The following EXT2 variants were observed in gnomAD, a reference collection of about 807,000 sequenced individuals.
The protein encoded by EXT2 is exostosin-2.
Under a neutral mutation model 81.6 loss-of-function variants are expected in EXT2, and 53 were observed. The ratio of observed to expected loss-of-function variants is 0.65; its 90% CI spans 0.52 to 0.82. EXT2 has a LOEUF of 0.82. Ranked by LOEUF, EXT2 falls within the 40% of genes least tolerant of loss-of-function variation. The pLI is 0.00. For missense variants in EXT2, 774 were observed against 910.2 expected (o/e 0.85, Z 1.93); for synonymous variants, 320 against 340.0 (o/e 0.94, Z 0.65).
chr11:44,246,701 A>G lies in EXT2; in HGVS notation c.*2414A>G, dbSNP rs1032542015. On this transcript the variant is annotated 3_prime_UTR_variant, in exon 14 of 14. Transcript: ENST00000533608. ...CACCGTAGAAATTCAAGACAGGGAT[A>G]TAGCAGGTGATGGCGATTCATGGAT... Among the ~76,000 whole-genome samples, 2 of 152,236 alleles carry G rather than the reference A, an allele frequency of 1.3e-5. No individual in the cohort carries two copies. Among genetic ancestry groups the G allele is most frequent in the Non-Finnish European group, 2.9e-5 (2 of 68,032 alleles).
intron 8 of EXT2, among the ~76,000 whole-genome samples, chr11:44,184,456 A>G (rs545136479): frequency 2.0e-5 from 3 of 152,272 alleles, no homozygotes; most frequent in African/African-American, 4.8e-5. Context: ...TTCTCTTTAT[A>G]TAATTACATT....
Position 44,244,769 on chromosome 11 carries a change from G to C in EXT2, c.*482G>C, listed in dbSNP as rs2135285318. On this transcript the variant is annotated 3_prime_UTR_variant, in exon 14 of 14. Transcript: ENST00000533608. The stretch of plus-strand genomic sequence containing the variant: ...ACCAAACCCAGAATTCGGTGCAAAA[G>C]CCAAACATCTTGGTGGGATTTGATA... The C allele has an allele frequency of 3.9e-6, 1 of 258,788 alleles. No individual in the cohort carries two copies. Among genetic ancestry groups the C allele is most frequent in the South Asian group, 1.2e-4 (1 of 8,082 alleles). 16.0% of individuals were successfully genotyped at this position (258,788 alleles called of 1,614,324 possible). A position where few individuals can be genotyped will look rare whatever the true frequency, so the allele number is the denominator to read the frequency against.
chr11:44,115,393 C>T (rs906566868), intron 4 of EXT2, among the ~76,000 whole-genome samples: 2 of 152,100 alleles, frequency 1.3e-5, no homozygotes, highest in African/African-American at 4.8e-5. Context: ...TCTGGCATTT[C>T]TTGGCTCATA....
At chr11:44,148,299 G>A (rs1202168880) in intron 7 of EXT2, among the ~76,000 whole-genome samples, 1 of 152,136 alleles carries the variant, frequency 6.6e-6, no homozygotes, top group Non-Finnish European at 1.5e-5. Flanking sequence ...ACTCAAGATG[G>A]ACACATAACA....
At chr11:44,132,141 GT>G (rs1954502448) in intron 7 of EXT2, among the ~76,000 whole-genome samples, 1 of 152,172 alleles carries the variant, frequency 6.6e-6, no homozygotes, top group South Asian at 2.1e-4. Context: ...TCTAGAAAGG[GT>G]AAGAAAAAAC....
chr11:44,234,150 G>C lies in EXT2; in HGVS notation c.1842G>C (p.Gly614=). Residue 614 remains glycine (G), a synonymous_variant, in exon 12 of 14, where the codon GGG becomes GGC. Coordinates refer to ENST00000533608, the MANE Select transcript of EXT2 (RefSeq NM_207122.2). ...ACCTGTATACCTACAAAATGCCTGG[G>C]GATATCAAGAACTGGGTAGATGCTC... ...FNYLYTYKMP[G]DIKNWVDAHM... 1.2e-6 allele frequency: 2 copies of C among 1,614,008 alleles called. No homozygotes were observed. The highest frequency in any genetic ancestry group is 8.5e-7 in the Non-Finnish European group (1 of 1,179,960).
chr11:44,143,743 G>A (rs1196172639), intron 7 of EXT2, among the ~76,000 whole-genome samples: 1 of 152,162 alleles, frequency 6.6e-6, no homozygotes, highest in Non-Finnish European at 1.5e-5. Context: ...GGACCTACAC[G>A]ATTCTCAATG....
rs146145996 is a variant in EXT2, at chr11:44,178,349, G to A, written c.1305+6607G>A. On this transcript the variant is annotated intron_variant, in intron 8 of 13. Transcript: ENST00000533608. ...TTTGATGTGGGATTTCATTCACTGT[G>A]AGTGTCCTAACTCACTCCCTGGAGA... Among the ~76,000 whole-genome samples, 12 of 152,290 alleles carry A rather than the reference G, an allele frequency of 7.9e-5. No homozygotes were observed. The East Asian group carries it at 2.1e-3, about 27-fold the overall frequency.
intron 7 of EXT2, among the ~76,000 whole-genome samples, chr11:44,166,711 A>C (rs1013029519): frequency 6.6e-6 from 1 of 152,180 alleles, no homozygotes; most frequent in Non-Finnish European, 1.5e-5. Context: ...CAATTTCCCC[A>C]TGTTAAATTT....
At position 44,251,796 on chromosome 11, in the gene EXT2, T is replaced by G. The variant is rs1956140087; in HGVS notation, c.*7509T>G. Among the ~76,000 whole-genome samples the G allele has an allele frequency of 1.3e-5, 2 of 152,334 alleles. No homozygotes were observed. Among genetic ancestry groups the G allele is most frequent in the South Asian group, 2.1e-4 (1 of 4,826 alleles). On this transcript the variant is annotated 3_prime_UTR_variant, in exon 14 of 14. Coordinates refer to ENST00000533608, the MANE Select transcript of EXT2 (RefSeq NM_207122.2). The stretch of plus-strand genomic sequence containing the variant: ...ATGGGTTCCTTCAGTCAACAAATAC[T>G]TATTGAGCAGTTATTGTGTGCCAGA...
chr11:44,226,353 C>CCATGT (rs1955838174), intron 10 of EXT2, among the ~76,000 whole-genome samples: 1 of 152,156 alleles, frequency 6.6e-6, no homozygotes, highest in Non-Finnish European at 1.5e-5. Context: ...TGCAGTTTGT[C>CCATGT]CATGTGTTTG....
chr11:44,096,978 G>A (rs949261696), intron 1 of EXT2, among the ~76,000 whole-genome samples: 3 of 152,096 alleles, frequency 2.0e-5, no homozygotes, highest in Admixed American at 6.6e-5. Flanking sequence ...CACTTTCCCC[G>A]ACTTCCTGGT....
intron 8 of EXT2, among the ~76,000 whole-genome samples, chr11:44,178,920 T>C (rs1443453116): frequency 6.6e-6 from 1 of 152,196 alleles, no homozygotes; most frequent in Non-Finnish European, 1.5e-5. Flanking sequence ...GCACAAGTGA[T>C]CCAGTATGCT....
chr11:44,142,352 A>G (rs75812238), intron 7 of EXT2, among the ~76,000 whole-genome samples: 12,853 of 152,240 alleles, frequency 0.084, 575 homozygotes, highest in Middle Eastern at 0.14. Context: ...TTATTTCTTT[A>G]TCTTCACTCA....
At chr11:44,201,052 GA>G (rs1185092025) in intron 9 of EXT2, among the ~76,000 whole-genome samples, 1 of 152,160 alleles carries the variant, frequency 6.6e-6, no homozygotes, top group East Asian at 1.9e-4. Flanking sequence ...CAACGCATTT[GA>G]AAAATCGTAT....
intron 7 of EXT2, among the ~76,000 whole-genome samples, chr11:44,163,641 A>G (rs1261086675): frequency 6.6e-6 from 1 of 152,244 alleles, no homozygotes; most frequent in African/African-American, 2.4e-5. Context: ...TAAATCCGTG[A>G]TGCATGGAAA....
At chr11:44,196,604 C>T (rs1955458740) in intron 8 of EXT2, among the ~76,000 whole-genome samples, 1 of 152,164 alleles carries the variant, frequency 6.6e-6, no homozygotes, top group South Asian at 2.1e-4. Context: ...CTGACAGGAC[C>T]AACCAGGTAG....
At chr11:44,217,521 A>G (rs1282921366) in intron 10 of EXT2, among the ~76,000 whole-genome samples, 1 of 152,190 alleles carries the variant, frequency 6.6e-6, no homozygotes, top group Non-Finnish European at 1.5e-5. Flanking sequence ...TTGTTTGACA[A>G]GCTCTAGTGA....
At chr11:44,126,978 C>T in intron 6 of EXT2, 23 bp downstream of exon 6, 2 of 1,613,726 alleles carry the variant, frequency 1.2e-6, no homozygotes, top group Non-Finnish European at 8.5e-7. Context: ...TCCTAGTAAA[C>T]TCTACATTAG....
Sources: allele counts gnomAD v4.1 joint callset (sites outside exome capture counted in the v4.1 genomes callset), GRCh38; gene constraint gnomAD v4.1.1; transcripts MANE v1.5; gene names NCBI Gene and HGNC (gene_info 2026-07-23, HGNC 2026-07-21).